ZNF251: variants seen among roughly 807,000 people sequenced by gnomAD.
ZNF251 encodes the protein zinc finger protein 251.
Under a neutral mutation model 13.5 loss-of-function variants are expected in ZNF251, and 14 were observed. That is an observed-to-expected ratio of 1.04 (90% CI 0.69 to 1.63). ZNF251 has a LOEUF of 1.63. Among genes scored for constraint, ZNF251 ranks in the 40% most tolerant of loss-of-function variants. ZNF251 has a pLI of 0.00. For missense variants in ZNF251, 764 were observed against 834.9 expected (o/e 0.92, Z 1.05); for synonymous variants, 287 against 295.2 (o/e 0.97, Z 0.28).
chr8:144,742,066 GA>G (rs1824187386), intron 4 of ZNF251, among the ~76,000 whole-genome samples: 2 of 152,194 alleles, frequency 1.3e-5, no homozygotes, highest in South Asian at 4.1e-4. Context: ...GCTGGGAACC[GA>G]AACGACAGGC....
At chr8:144,730,640 G>A (rs928005367) in intron 4 of ZNF251, among the ~76,000 whole-genome samples, 13 of 152,166 alleles carry the variant, frequency 8.5e-5, no homozygotes. Flanking sequence ...CAACAAACAC[G>A]ACTGAAACTC....
chr8:144,721,904 T>C lies in ZNF251; in HGVS notation c.1756A>G (p.Ile586Val), dbSNP rs1325386829. The C allele has an allele frequency of 6.6e-7, 1 of 1,506,578 alleles. No homozygotes were observed. The allele number at this position is 1,506,578 out of a possible 1,614,324, so 93.3% of individuals were successfully genotyped here. A position where few individuals can be genotyped will look rare whatever the true frequency, so the allele number is the denominator to read the frequency against. Residue 586 changes from isoleucine (I) to valine (V), a missense_variant, in exon 5 of 5, where the codon ATA (isoleucine) becomes GTA (valine). By Grantham distance (29) the Ile-to-Val change is conservative. Transcript: ENST00000292562. The stretch of plus-strand genomic sequence containing the variant: ...TAGGGCTTTTCCCCAGCATGCATTA[T>C]CTGATCTTCAGTGGGTCGTGAGGTG... ...SPTSRPTEDQ[I>V]MHAGEKPYKC...
At chr8:144,752,498 G>T (rs373367146) in intron 4 of ZNF251, among the ~76,000 whole-genome samples, 83 of 152,284 alleles carry the variant, frequency 5.5e-4, no homozygotes, top group African/African-American at 2.0e-3. Flanking sequence ...AAATGTTAAT[G>T]AAAATACAAC....
rs1297121484 is a variant in ZNF251, at chr8:144,722,457, T to G, written c.1203A>C (p.Gly401=). 3 of 1,613,970 alleles carry G rather than the reference T, an allele frequency of 1.9e-6. No homozygotes were observed. Among genetic ancestry groups the G allele is most frequent in the South Asian group, 2.2e-5 (2 of 91,080 alleles). The change falls in exon 5 of 5, where the codon GGA becomes GGC. Residue 401 remains glycine (G), a synonymous_variant. Transcript: ENST00000292562. This position sits in a 1 kb window ranked among gnomAD's most constrained non-coding sequence, Gnocchi z 4.8. ...SLFLHHRVHT[G]EKPYVCNECG... ...ATTCATTACATACATAGGGTTTCTC[T>G]CCAGTATGAACCCGATGATGGAGGA...
intron 4 of ZNF251, among the ~76,000 whole-genome samples, chr8:144,750,974 C>T (rs751167710): frequency 6.6e-6 from 1 of 151,842 alleles, no homozygotes; most frequent in Non-Finnish European, 1.5e-5. Flanking sequence ...CTCAGCCTCC[C>T]GAGTAGCTGG....
intron 4 of ZNF251, among the ~76,000 whole-genome samples, chr8:144,731,732 G>A (rs544772688): frequency 2.1e-4 from 31 of 150,222 alleles, no homozygotes; most frequent in South Asian, 1.3e-3. Context: ...GATTACAGGC[G>A]TGAGCCACCA....
At position 144,723,184 on chromosome 8, in the gene ZNF251, T is replaced by C. The variant is rs750904460; in HGVS notation, c.476A>G (p.Asn159Ser). Residue 159 changes from asparagine (N) to serine (S), a missense_variant, in exon 5 of 5, where the codon AAT (asparagine) becomes AGT (serine). Transcript: ENST00000292562. ...NSAGQSLNKPNIHKRVLTEAT... is the reference protein window; with the variant it reads ...NSAGQSLNKPSIHKRVLTEAT... ...TTCTGTTAAAACTCTCTTGTGAATA[T>C]TGGGTTTGTTCAAACTCTGCCCGGC... The C allele has an allele frequency of 1.4e-5, 22 of 1,612,178 alleles. No homozygotes were observed. The highest frequency in any genetic ancestry group is 4.5e-5 in the East Asian group (2 of 44,888).
At chr8:144,736,173 G>A (rs1237102597) in intron 4 of ZNF251, among the ~76,000 whole-genome samples, 1 of 151,390 alleles carries the variant, frequency 6.6e-6, no homozygotes, top group Non-Finnish European at 1.5e-5. Context: ...GAGGACCCTC[G>A]ACAGCCTGTT....
At chr8:144,753,925 A>C (rs1379218572) in intron 3 of ZNF251, 129 bp from the exon 4 acceptor site, 8 of 793,374 alleles carry the variant, frequency 1.0e-5, no homozygotes, top group African/African-American at 3.5e-5. Context: ...CCGTGGGCTG[A>C]GACTAAGTAC....
At chr8:144,753,496 C>G (rs1478198798) in intron 4 of ZNF251, 187 bp downstream of exon 4, 2 of 548,868 alleles carry the variant, frequency 3.6e-6, no homozygotes, top group Non-Finnish European at 6.4e-6. Flanking sequence ...AGCAAAGAAA[C>G]AGACCAGCAA....
chr8:144,729,916 T>G (rs965668169), intron 4 of ZNF251: 1 of 463,380 alleles, frequency 2.2e-6, no homozygotes, highest in Non-Finnish European at 2.8e-6. Context: ...GTTACATGTG[T>G]TTTTTGTGAC....
chr8:144,736,964 G>A (rs1823924677), intron 4 of ZNF251, among the ~76,000 whole-genome samples: 2 of 151,582 alleles, frequency 1.3e-5, no homozygotes, highest in African/African-American at 4.9e-5. Flanking sequence ...CACCATGCCT[G>A]CTAATTTTTT....
chr8:144,754,636 A>G (rs1333217067), intron 2 of ZNF251, 60 bp downstream of exon 2: 16 of 1,560,018 alleles, frequency 1.0e-5, no homozygotes, highest in Admixed American at 2.0e-5. Context: ...AGAGGAGAGT[A>G]GCTTCTGACT....
At chr8:144,748,848 C>A (rs1824553923) in intron 4 of ZNF251, among the ~76,000 whole-genome samples, 1 of 152,180 alleles carries the variant, frequency 6.6e-6, no homozygotes, top group Non-Finnish European at 1.5e-5. Flanking sequence ...CAGGAGCCAT[C>A]ACTCCTGGCC....
chr8:144,755,299 C>A (rs1824908761), intron 1 of ZNF251, 106 bp downstream of exon 1: 1 of 1,266,070 alleles, frequency 7.9e-7, no homozygotes, highest in Middle Eastern at 3.4e-4. Context: ...CCGCGGCACC[C>A]AGAACAGGCT....
chr8:144,722,445 A>G lies in ZNF251; in HGVS notation c.1215T>C (p.Tyr405=), dbSNP rs778053321. Residue 405 remains tyrosine, a synonymous_variant, in exon 5 of 5, where the codon TAT becomes TAC. Coordinates refer to ENST00000292562, the MANE Select transcript of ZNF251 (RefSeq NM_138367.2). This position sits in a 1 kb window ranked among gnomAD's most constrained non-coding sequence, Gnocchi z 4.8. ...AGGCTCTGCCGCATTCATTACATAC[A>G]TAGGGTTTCTCTCCAGTATGAACCC... The part of the protein sequence containing the change: ...HHRVHTGEKP[Y]VCNECGRAFG... The G allele has an allele frequency of 6.2e-7, 1 of 1,613,688 alleles. No homozygotes were observed. Among genetic ancestry groups the G allele is most frequent in the Admixed American group, 1.7e-5 (1 of 59,976 alleles).
chr8:144,754,084 G>A (rs1161962983), intron 3 of ZNF251, 108 bp downstream of exon 3: 16 of 1,432,128 alleles, frequency 1.1e-5, no homozygotes, highest in South Asian at 9.9e-5. Context: ...ACTGATACCC[G>A]GGGACAAGGG....
intron 2 of ZNF251, 162 bp downstream of exon 2, chr8:144,754,534 C>CT (rs1315647794): frequency 4.1e-6 from 6 of 1,450,142 alleles, no homozygotes; most frequent in African/African-American, 1.4e-5. Flanking sequence ...GCCCCTCTCC[C>CT]TGCAGGAGGG....
intron 4 of ZNF251, among the ~76,000 whole-genome samples, chr8:144,747,642 C>T (rs1312592956): frequency 3.4e-5 from 5 of 146,764 alleles, no homozygotes; most frequent in East Asian, 2.0e-4. Context: ...GACGGAGTCT[C>T]GCTCTGTTGC....
Sources: gnomAD v4.1 joint callset for allele counts (sites outside exome capture counted in the v4.1 genomes callset) on GRCh38, gnomAD v4.1.1 for gene constraint, Gnocchi (gnomAD v3.1) non-coding constraint, MANE v1.5 for transcripts, NCBI Gene and HGNC (gene_info 2026-07-23, HGNC 2026-07-21) for gene names.